The following GPATCH8 variants were observed in gnomAD, a reference collection of about 807,000 sequenced individuals.
The protein encoded by GPATCH8 is G patch domain-containing protein 8.
Under a neutral mutation model 118.3 loss-of-function variants are expected in GPATCH8, and 18 were observed. The ratio of observed to expected loss-of-function variants is 0.15; its 90% CI spans 0.11 to 0.23. The LOEUF (loss-of-function observed/expected upper bound fraction) is 0.23, where lower values mean the gene tolerates loss of function less well. Among genes scored for constraint, GPATCH8 ranks in the 10% least tolerant of loss-of-function variants. The pLI is 1.00. For missense variants in GPATCH8, 1,631 were observed against 1,873.8 expected (o/e 0.87, Z 2.39); for synonymous variants, 659 against 684.7 (o/e 0.96, Z 0.59).
chr17:44,466,829 G>C (rs1372892232), intron 2 of GPATCH8, among the ~76,000 whole-genome samples: 1 of 152,034 alleles, frequency 6.6e-6, no homozygotes, highest in African/African-American at 2.4e-5. Context: ...TCAGATAATT[G>C]TTTAATCTCT....
At chr17:44,403,362 C>T (rs755791706) in intron 7 of GPATCH8, among the ~76,000 whole-genome samples, 3 of 151,854 alleles carry the variant, frequency 2.0e-5, no homozygotes, top group African/African-American at 4.8e-5. Flanking sequence ...CTTGAGCCAC[C>T]ATGCTCGGCC....
At chr17:44,474,619 G>A in intron 2 of GPATCH8, 1 of 654,250 alleles carries the variant, frequency 1.5e-6, no homozygotes, top group South Asian at 1.6e-5. Context: ...AAATTCTAAT[G>A]TGTTTCTAGA....
At chr17:44,423,506 C>A (rs1200915479) in intron 6 of GPATCH8, among the ~76,000 whole-genome samples, 1 of 152,114 alleles carries the variant, frequency 6.6e-6, no homozygotes, top group African/African-American at 2.4e-5. Context: ...TTCAACAAGT[C>A]CAGCTTAGGA....
At chr17:44,414,145 GTATA>G (rs58207923) in intron 6 of GPATCH8, among the ~76,000 whole-genome samples, 3 of 29,430 alleles carry the variant, frequency 1.0e-4, no homozygotes, top group Non-Finnish European at 3.9e-4. Flanking sequence ...ATATATATGT[GTATA>G]TATATATGTG....
At chr17:44,449,460 C>A (rs2051031188) in intron 3 of GPATCH8, among the ~76,000 whole-genome samples, 1 of 151,878 alleles carries the variant, frequency 6.6e-6, no homozygotes, top group African/African-American at 2.4e-5. Flanking sequence ...ACCTCAGCCT[C>A]CCAAAGTGCT....
At chr17:44,497,907 C>A (rs1375392069) in intron 1 of GPATCH8, among the ~76,000 whole-genome samples, 1 of 151,572 alleles carries the variant, frequency 6.6e-6, no homozygotes, top group Non-Finnish European at 1.5e-5. Context: ...CAACTGTACT[C>A]TAGCCTGGAC....
chr17:44,460,570 C>G lies in GPATCH8; in HGVS notation c.193+3902G>C, dbSNP rs926892517. Among the ~76,000 whole-genome samples, 3 of 152,234 alleles carry G rather than the reference C, an allele frequency of 2.0e-5. No individual in the cohort carries two copies. The South Asian group carries it at 6.2e-4, about 32-fold the overall frequency. On this transcript the variant is annotated intron_variant, in intron 3 of 7. Transcript: ENST00000591680. ...GAACTGCAACTTTTGTTGGCAAAAGCCTTGCATGGGTCAAAATAATTTTTA... is the reference window on the plus strand; with the variant it reads ...GAACTGCAACTTTTGTTGGCAAAAGGCTTGCATGGGTCAAAATAATTTTTA...
chr17:44,403,405 G>A (rs1449902653), intron 7 of GPATCH8, among the ~76,000 whole-genome samples: 2 of 151,836 alleles, frequency 1.3e-5, no homozygotes, highest in African/African-American at 4.8e-5. Context: ...ATTTTGCAGA[G>A]ACAGAGTCTT....
At chr17:44,491,245 CT>C (rs1230011565) in intron 1 of GPATCH8, among the ~76,000 whole-genome samples, 12 of 152,232 alleles carry the variant, frequency 7.9e-5, no homozygotes, top group African/African-American at 2.9e-4. Flanking sequence ...AATCCCAGCA[CT>C]TTGGGAGGCC....
chr17:44,464,863 T>A, intron 2 of GPATCH8: 1 of 318,426 alleles, frequency 3.1e-6, no homozygotes, highest in Non-Finnish European at 5.9e-6. Context: ...AGTTTTAAAA[T>A]AACACTAAAA....
chr17:44,498,502 G>C (rs1047327724), intron 1 of GPATCH8, among the ~76,000 whole-genome samples: 2 of 152,112 alleles, frequency 1.3e-5, no homozygotes, highest in African/African-American at 2.4e-5. Flanking sequence ...ATCACCTCCA[G>C]GGAAACTTCT....
chr17:44,431,560 TAAAATAACAAGAATGTCAAA>T (rs1335118883), intron 5 of GPATCH8, among the ~76,000 whole-genome samples: 1 of 114,022 alleles, frequency 8.8e-6, no homozygotes, highest in Non-Finnish European at 2.2e-5. Context: ...AAATATTTAA[TAAAATAACAAGAATGTCAAA>T]TGAGACTGCA....
chr17:44,446,919 C>G (rs1237274080), intron 3 of GPATCH8, among the ~76,000 whole-genome samples: 1 of 152,054 alleles, frequency 6.6e-6, no homozygotes. Context: ...ACTGCAACCT[C>G]CGCCTCGCAG....
chr17:44,458,701 A>C (rs1463238812), intron 3 of GPATCH8, among the ~76,000 whole-genome samples: 1 of 151,790 alleles, frequency 6.6e-6, no homozygotes, highest in Non-Finnish European at 1.5e-5. Flanking sequence ...TATTTTTTAA[A>C]ATTTTTTAGG....
At chr17:44,486,889 T>C (rs1968825802) in intron 1 of GPATCH8, 1 of 152,346 alleles carries the variant, frequency 6.6e-6, no homozygotes, top group East Asian at 1.9e-4. Flanking sequence ...ATAGACAGAC[T>C]TTATTTTTTC....
rs1451050284 is a variant in GPATCH8 at position 44,398,897 on chromosome 17, T to A, written c.3180A>T (p.Ala1060=). The A allele has an allele frequency of 8.1e-6, 13 of 1,614,062 alleles. No homozygotes were observed. The highest frequency in any genetic ancestry group is 1.3e-5 in the African/African-American group (1 of 74,916). The part of the protein sequence containing the change: ...KDDGRGDDSK[A]TGPPSQNSNI... ...TGCTGTTCTGGGAAGGTGGACCTGT[T>A]GCTTTACTGTCATCTCCTCTGCCAT... Residue 1060 remains alanine, a synonymous_variant, in exon 8 of 8, where the codon GCA becomes GCT. Coordinates refer to ENST00000591680, the MANE Select transcript of GPATCH8 (RefSeq NM_001002909.4).
intron 6 of GPATCH8, among the ~76,000 whole-genome samples, chr17:44,415,816 GAAC>G (rs2049656094): frequency 6.6e-6 from 1 of 152,224 alleles, no homozygotes; most frequent in African/African-American, 2.4e-5. Context: ...TGAAACTGTA[GAAC>G]AAAAGTAAGG....
chr17:44,415,783 T>C (rs2049654237), intron 6 of GPATCH8, among the ~76,000 whole-genome samples: 2 of 152,180 alleles, frequency 1.3e-5, no homozygotes, highest in African/African-American at 2.4e-5. Flanking sequence ...CTGTGATAAA[T>C]TAAGTGTAAG....
chr17:44,427,530 A>G (rs1053443972), intron 5 of GPATCH8, among the ~76,000 whole-genome samples: 6 of 152,268 alleles, frequency 3.9e-5, no homozygotes, highest in Admixed American at 2.6e-4. Context: ...ACATATACAT[A>G]TAACTATGTA....
Sources: allele counts gnomAD v4.1 joint callset (sites outside exome capture counted in the v4.1 genomes callset), GRCh38; gene constraint gnomAD v4.1.1; transcripts MANE v1.5; gene names NCBI Gene and HGNC (gene_info 2026-07-23, HGNC 2026-07-21).